Variants in ABCA1 observed in about 807,000 individuals in gnomAD.
ABCA1 encodes ATP binding cassette subfamily A member 1.
A neutral mutation model predicts 262.5 loss-of-function variants in ABCA1; 133 were observed. The observed-to-expected ratio is 0.51, with a 90% CI of 0.44 to 0.59. The LOEUF is 0.59. Among genes scored for constraint, ABCA1 ranks in the 20% least tolerant of loss-of-function variants. ABCA1 has a pLI of 0.00. For missense variants in ABCA1, 2,452 were observed against 2,777.5 expected (o/e 0.88, Z 2.63); for synonymous variants, 1,022 against 1,043.5 (o/e 0.98, Z 0.40).
At chr9:104,796,988 A>C (rs1829953695) in intron 37 of ABCA1, among the ~76,000 whole-genome samples, 1 of 152,254 alleles carries the variant, frequency 6.6e-6, no homozygotes, top group African/African-American at 2.4e-5. Context: ...AGAGCAAAGC[A>C]CCAGCAGGGA....
rs769963039 is a variant in ABCA1, at chr9:104,819,672, T to G, written c.3155A>C (p.Lys1052Thr). ...SVALAFVGGSKVVILDEPTAG... is the reference protein window; with the variant it reads ...SVALAFVGGSTVVILDEPTAG... ...TGTGGGTTCATCCAGAATGACAACC[T>G]TAGATCCCCCGACAAAGGCCAAGGC... Residue 1052 changes from lysine (K) to threonine (T), a missense_variant, in exon 22 of 50, where the codon AAG becomes ACG. By Grantham distance (78) the Lys-to-Thr change is moderately conservative. Around this residue, in one of 4 missense-constraint regions of ABCA1, gnomAD observed 665 missense variants for 727.3 expected, o/e 0.91. Coordinates refer to ENST00000374736, the MANE Select transcript of ABCA1 (RefSeq NM_005502.4). 1 of 1,614,204 alleles carries G rather than the reference T, an allele frequency of 6.2e-7. No homozygotes were observed.
intron 2 of ABCA1, among the ~76,000 whole-genome samples, chr9:104,901,405 C>G (rs1451288086): frequency 6.6e-6 from 1 of 152,076 alleles, no homozygotes; most frequent in East Asian, 1.9e-4. Flanking sequence ...AGAGCCATAG[C>G]CCCCCTTTCA....
At chr9:104,893,544 A>C (rs1839959694) in intron 2 of ABCA1, among the ~76,000 whole-genome samples, 1 of 152,050 alleles carries the variant, frequency 6.6e-6, no homozygotes, top group African/African-American at 2.4e-5. Flanking sequence ...GAAGCTCTGA[A>C]ACTACCATTT....
intron 1 of ABCA1, among the ~76,000 whole-genome samples, chr9:104,907,235 T>C (rs1841210177): frequency 6.6e-6 from 1 of 152,194 alleles, no homozygotes; most frequent in Non-Finnish European, 1.5e-5. Flanking sequence ...AGACACTTTT[T>C]CAAGCACTGC....
chr9:104,837,516 C>A lies in ABCA1; in HGVS notation c.1106G>T (p.Arg369Leu), dbSNP rs370223805. 6 of 1,614,012 alleles carry A rather than the reference C, an allele frequency of 3.7e-6. No individual in the cohort carries two copies. The highest frequency in any genetic ancestry group is 2.7e-5 in the African/African-American group (2 of 74,990). ...MKNLESSPLS[R>L]IIWKALKPLL... ...CGGCTTCAGAGCTTTCCAGATAATG[C>A]GGGAAAGAGGACTAGACTCCAAATT... The change falls in exon 10 of 50, where the codon CGC (arginine) becomes CTC (leucine). Residue 369 changes from arginine to leucine, a missense_variant. Arg to Leu is a moderately radical substitution (Grantham distance 102). Transcript: ENST00000374736.
intron 22 of ABCA1, 112 bp from the exon 23 acceptor site, chr9:104,818,995 G>A (rs932799103): frequency 4.9e-6 from 5 of 1,028,372 alleles, no homozygotes; most frequent in African/African-American, 1.6e-5. Flanking sequence ...GAAGAGACCT[G>A]GAAGCCACCT....
chr9:104,871,699 G>A (rs544551824), intron 5 of ABCA1, among the ~76,000 whole-genome samples: 2 of 152,304 alleles, frequency 1.3e-5, no homozygotes, highest in East Asian at 3.9e-4. Flanking sequence ...AGAAAAATGA[G>A]AGAGGACAGC....
intron 2 of ABCA1, among the ~76,000 whole-genome samples, chr9:104,902,112 T>G (rs139953513): frequency 6.6e-6 from 1 of 152,312 alleles, no homozygotes; most frequent in East Asian, 1.9e-4. Context: ...CAAAGGAAGA[T>G]CTGTATACAT....
rs201816962 is a variant in ABCA1, at chr9:104,830,980, T to C, written c.1837A>G (p.Lys613Glu). 1 of 1,613,864 alleles carries C rather than the reference T, an allele frequency of 6.2e-7. No homozygotes were observed. Among genetic ancestry groups the C allele is most frequent in the East Asian group, 2.2e-5 (1 of 44,854 alleles). Residue 613 changes from lysine to glutamate, a missense_variant, in exon 14 of 50, where the codon AAG becomes GAG. Lys to Glu is a moderately conservative substitution (Grantham distance 56). Coordinates refer to ENST00000374736, the MANE Select transcript of ABCA1 (RefSeq NM_005502.4). The part of the protein sequence containing the change: ...AIIRVLTGTE[K>E]KTGVYMQQMP... ...TGTTGCATATAGACACCAGTTTTCT[T>C]CTCGGTGCCCGTCAGCACCCTGATG...
chr9:104,850,249 G>A (rs140949422), intron 7 of ABCA1, among the ~76,000 whole-genome samples: 176 of 152,268 alleles, frequency 1.2e-3, no homozygotes, highest in East Asian at 1.7e-3. Context: ...AGTCTCTCAC[G>A]TAGCTGGGAT....
chr9:104,832,517 C>A, intron 12 of ABCA1, 57 bp downstream of exon 12: 3 of 1,580,726 alleles, frequency 1.9e-6, no homozygotes, highest in Non-Finnish European at 2.6e-6. Flanking sequence ...CTTATTGTAA[C>A]GTCTCAGAGA....
rs1466911823 is a variant in ABCA1 at position 104,784,370 on chromosome 9, A to G, written c.6731T>C (p.Val2244Ala). 8 of 1,614,008 alleles carry G rather than the reference A, an allele frequency of 5.0e-6. No homozygotes were observed. The highest frequency in any genetic ancestry group is 4.0e-5 in the African/African-American group (3 of 74,936). ...SLHKNQTVVD[V>A]AVLTSFLQDE... ...CTGTAGAAAAGATGTGAGAACTGCA[A>G]CGTCCACTACTGTCTGGTTTTTGTG... The change falls in exon 50 of 50, where the codon GTT (valine) becomes GCT (alanine). Residue 2244 changes from valine to alanine, a missense_variant. Physicochemically the swap from Val to Ala is moderately conservative, Grantham distance 64 (BLOSUM62 0). Transcript: ENST00000374736.
At chr9:104,811,291 C>G (rs2092102226) in intron 28 of ABCA1, among the ~76,000 whole-genome samples, 1 of 152,204 alleles carries the variant, frequency 6.6e-6, no homozygotes, top group Admixed American at 6.5e-5. Flanking sequence ...GAACCCAGGA[C>G]CAGGAGCCAG....
chr9:104,816,367 G>A lies in ABCA1; in HGVS notation c.3536-22C>T, dbSNP rs1831759429. ...ACATCTGCAGGGACCAGAATGCAAA[G>A]ATGGCTCAATCAACTCAGAGGGGCT... On this transcript the variant is annotated intron_variant, in intron 24 of 49. Coordinates refer to ENST00000374736, the MANE Select transcript of ABCA1 (RefSeq NM_005502.4). 3 of 1,611,060 alleles carry A rather than the reference G, an allele frequency of 1.9e-6. No homozygotes were observed. The African/African-American group carries it at 4.0e-5, about 22-fold the overall frequency.
intron 5 of ABCA1, among the ~76,000 whole-genome samples, chr9:104,878,136 G>A (rs1455893697): frequency 1.3e-5 from 2 of 152,046 alleles, no homozygotes; most frequent in African/African-American, 2.4e-5. Context: ...CTTTCCCTAG[G>A]GTTTCTGAGG....
In ABCA1 at chr9:104,831,800, T is replaced by C. The variant is rs1213172802; in HGVS notation, c.1537A>G (p.Ile513Val). ...TTGATGAGCCAGACTTCTGTTGCTA[T>C]GGGTTCTAGCTTGTTCAGGTTGACA... Reference protein sequence around the residue: ...ECVNLNKLEPIATEVWLINKS... With the variant: ...ECVNLNKLEPVATEVWLINKS... The change falls in exon 13 of 50, where the codon ATA (isoleucine) becomes GTA (valine). Residue 513 changes from isoleucine to valine, a missense_variant. Around this residue, in one of 4 missense-constraint regions of ABCA1, gnomAD observed 1,032 missense variants for 1,089.7 expected, o/e 0.95. Coordinates refer to ENST00000374736, the MANE Select transcript of ABCA1 (RefSeq NM_005502.4). 5.0e-6 allele frequency: 8 copies of C among 1,614,214 alleles called. No individual in the cohort carries two copies. The East Asian group carries it at 1.3e-4, about 27-fold the overall frequency.
rs200867190 is a variant in ABCA1, at chr9:104,858,745, A to G, written c.544-47T>C. Reference sequence around the variant, plus strand: ...AGAGACAAGCACAAGAGGATTATGAAGATTGGAAGCTGGGTCCTTGAAGTC... The same window carrying G: ...AGAGACAAGCACAAGAGGATTATGAGGATTGGAAGCTGGGTCCTTGAAGTC... On this transcript the variant is annotated intron_variant, in intron 6 of 49. Transcript: ENST00000374736. The G allele has an allele frequency of 1.6e-5, 26 of 1,604,020 alleles. No homozygotes were observed. In the East Asian group the frequency reaches 5.6e-4, roughly 34 times the overall value.
At chr9:104,855,694 G>C in intron 7 of ABCA1, 1 of 1,509,298 alleles carries the variant, frequency 6.6e-7, no homozygotes, top group Non-Finnish European at 8.9e-7. Flanking sequence ...AGAGAAAACT[G>C]AGGCTTACAG....
In ABCA1 at chr9:104,785,412, T is replaced by C; in HGVS notation, c.6629A>G (p.Gln2210Arg). 1 of 1,614,032 alleles carries C rather than the reference T, an allele frequency of 6.2e-7. No homozygotes were observed. Among genetic ancestry groups the C allele is most frequent in the Non-Finnish European group, 8.5e-7 (1 of 1,179,920 alleles). Residue 2210 changes from glutamine to arginine, a missense_variant, in exon 49 of 50, where the codon CAG (glutamine) becomes CGG (arginine). Around this residue, in one of 4 missense-constraint regions of ABCA1, gnomAD observed 752 missense variants for 944.5 expected, o/e 0.80. Coordinates refer to ENST00000374736, the MANE Select transcript of ABCA1 (RefSeq NM_005502.4). Reference sequence around the variant, plus strand: ...AAAGCTTACTTGGTCAAGTGTTGTCTGAGAAACAGAGTAGTCTTCTATGTG... The same window carrying C: ...AAAGCTTACTTGGTCAAGTGTTGTCCGAGAAACAGAGTAGTCTTCTATGTG... ...RLHIEDYSVS[Q>R]TTLDQVFVNF... is the part of the protein sequence containing the mutation.
Sources: allele counts gnomAD v4.1 joint callset (sites outside exome capture counted in the v4.1 genomes callset), GRCh38; gene constraint gnomAD v4.1.1; regional missense constraint gnomAD v4.1.1; transcripts MANE v1.5; gene names NCBI Gene and HGNC (gene_info 2026-07-23, HGNC 2026-07-21).